EPB41L2: variants seen among roughly 807,000 people sequenced by gnomAD.
The protein encoded by EPB41L2 is erythrocyte membrane protein band 4.1 like 2.
EPB41L2 carries 43 observed loss-of-function variants against 113.0 expected under a neutral mutation model. The observed-to-expected ratio is 0.38, with a 90% CI of 0.30 to 0.49. EPB41L2 has a LOEUF of 0.49. Ranked by LOEUF, EPB41L2 falls within the 20% of genes least tolerant of loss-of-function variation. The pLI is 0.95. For missense variants in EPB41L2, 1,147 were observed against 1,223.4 expected (o/e 0.94, Z 0.93); for synonymous variants, 442 against 436.7 (o/e 1.01, Z -0.15).
chr6:130,931,595 G>C (rs532402617), intron 3 of EPB41L2, among the ~76,000 whole-genome samples: 2 of 151,896 alleles, frequency 1.3e-5, no homozygotes, highest in Admixed American at 6.6e-5. Context: ...AATCAAACTC[G>C]ATTGGGTCGG....
intron 1 of EPB41L2, among the ~76,000 whole-genome samples, chr6:130,990,955 T>C (rs1365776532): frequency 6.6e-6 from 1 of 151,868 alleles, no homozygotes; most frequent in East Asian, 1.9e-4. Flanking sequence ...GCCTCCCAAG[T>C]AGCTGGGACT....
chr6:130,982,102 A>G (rs1779503483), intron 1 of EPB41L2, among the ~76,000 whole-genome samples: 1 of 151,312 alleles, frequency 6.6e-6, no homozygotes, highest in Admixed American at 6.6e-5. Context: ...GACAGCTAAG[A>G]ATTAAAAAAA....
intron 3 of EPB41L2, among the ~76,000 whole-genome samples, chr6:130,949,407 C>T (rs1022650915): frequency 6.6e-6 from 1 of 152,202 alleles, no homozygotes; most frequent in Non-Finnish European, 1.5e-5. Context: ...TTGAGACCTA[C>T]CTGGGCAACA....
intron 1 of EPB41L2, among the ~76,000 whole-genome samples, chr6:131,028,971 A>C (rs1791471854): frequency 6.6e-6 from 1 of 152,186 alleles, no homozygotes; most frequent in South Asian, 2.1e-4. Context: ...AGGGTACACC[A>C]AAATGACTGA....
intron 1 of EPB41L2, among the ~76,000 whole-genome samples, chr6:131,042,323 A>G (rs1794614424): frequency 6.6e-6 from 1 of 152,200 alleles, no homozygotes; most frequent in Non-Finnish European, 1.5e-5. Flanking sequence ...ACTAGCATTA[A>G]CAAAAGAAAG....
At chr6:130,897,046 TCTGCCCTCCCTCCTTCAGA>T (rs1794879343) in intron 8 of EPB41L2, among the ~76,000 whole-genome samples, 1 of 152,070 alleles carries the variant, frequency 6.6e-6, no homozygotes, top group South Asian at 2.1e-4. Context: ...TGGAAACCAC[TCTGCCCTCCCTCCTTCAGA>T]CAGACCTAGA....
chr6:130,891,003 A>G (rs956610789), intron 10 of EPB41L2, among the ~76,000 whole-genome samples: 3 of 152,212 alleles, frequency 2.0e-5, no homozygotes, highest in East Asian at 3.8e-4. Flanking sequence ...CTGGGTTCAT[A>G]AAGAATGAAA....
In EPB41L2 at chr6:130,862,509, A is replaced by G. The variant is rs3777429; in HGVS notation, c.2910+1129T>C. ...GATAGTAGAATAAATCCCCTCTGGAAAACTGGAGGCTTGTTTCCACATAAG... is the reference window on the plus strand; with the variant it reads ...GATAGTAGAATAAATCCCCTCTGGAGAACTGGAGGCTTGTTTCCACATAAG... On this transcript the variant is annotated intron_variant, in intron 18 of 19. Transcript: ENST00000337057. Among the ~76,000 whole-genome samples, 133 of 152,322 alleles carry G rather than the reference A, an allele frequency of 8.7e-4. 1 individual carries two copies. The East Asian group carries it at 0.021, about 24-fold the overall frequency.
chr6:130,944,065 C>G (rs1053189769), intron 3 of EPB41L2, among the ~76,000 whole-genome samples: 6 of 151,750 alleles, frequency 4.0e-5, no homozygotes, highest in Non-Finnish European at 2.9e-5. Context: ...ATTTATATAA[C>G]AAGTCGGTCT....
At chr6:130,853,969 AT>A (rs1779502003) in intron 19 of EPB41L2, among the ~76,000 whole-genome samples, 1 of 152,198 alleles carries the variant, frequency 6.6e-6, no homozygotes, top group Non-Finnish European at 1.5e-5. Context: ...AGCAAAGGAA[AT>A]TTTTTAAGAG....
intron 4 of EPB41L2, among the ~76,000 whole-genome samples, chr6:130,923,865 A>C (rs2128546852): frequency 6.6e-6 from 1 of 152,346 alleles, no homozygotes; most frequent in East Asian, 1.9e-4. Flanking sequence ...TTGCCATTTT[A>C]ACCATTTATT....
At position 130,955,749 on chromosome 6, in the gene EPB41L2, T is replaced by G. The variant is rs1380215447; in HGVS notation, c.492+245A>C. 2.6e-5 allele frequency among the ~76,000 whole-genome samples: 4 copies of G among 152,202 alleles called. No homozygotes were observed. The South Asian group carries it at 8.3e-4, about 32-fold the overall frequency. ...AAAAGAGATGGCAGGGCTCGGAGTA[T>G]CTACCTCACCTAAACAGGTTACAGA... On this transcript the variant is annotated intron_variant, in intron 2 of 19. Transcript: ENST00000337057.
chr6:130,848,739 A>G (rs980799571), intron 19 of EPB41L2, among the ~76,000 whole-genome samples: 2 of 152,158 alleles, frequency 1.3e-5, no homozygotes, highest in Non-Finnish European at 2.9e-5. Flanking sequence ...AAAAACACAC[A>G]CATACACAAA....
At chr6:130,923,803 C>T (rs1803693835) in intron 4 of EPB41L2, among the ~76,000 whole-genome samples, 1 of 152,212 alleles carries the variant, frequency 6.6e-6, no homozygotes. Flanking sequence ...CTGGTTTGTA[C>T]ACAGGTAGTG....
intron 1 of EPB41L2, among the ~76,000 whole-genome samples, chr6:131,045,504 C>T (rs571202933): frequency 1.3e-5 from 2 of 151,704 alleles, no homozygotes; most frequent in Non-Finnish European, 2.9e-5. Flanking sequence ...ATTAGGGCTA[C>T]GAATCAAAGG....
chr6:130,996,242 A>T (rs1783069402), intron 1 of EPB41L2, among the ~76,000 whole-genome samples: 1 of 152,218 alleles, frequency 6.6e-6, no homozygotes, highest in Non-Finnish European at 1.5e-5. Context: ...ATGGAATGGC[A>T]TGACCAAGAG....
intron 1 of EPB41L2, among the ~76,000 whole-genome samples, chr6:130,965,466 A>C (rs772972436): frequency 2.0e-5 from 3 of 152,106 alleles, no homozygotes; most frequent in Non-Finnish European, 4.4e-5. Flanking sequence ...TCTCAATTTT[A>C]TTTGGTCTCT....
At chr6:131,059,051 T>C (rs1037374163) in intron 1 of EPB41L2, among the ~76,000 whole-genome samples, 1 of 150,544 alleles carries the variant, frequency 6.6e-6, no homozygotes, top group Non-Finnish European at 1.5e-5. Context: ...CAACAAAAAC[T>C]ATAAATCATT....
At chr6:130,847,174 C>T (rs760035725) in intron 19 of EPB41L2, among the ~76,000 whole-genome samples, 4 of 152,170 alleles carry the variant, frequency 2.6e-5, no homozygotes, top group Non-Finnish European at 2.9e-5. Context: ...CATTGTTTTC[C>T]CATGTGCTCT....
Sources: gnomAD v4.1 joint callset for allele counts (sites outside exome capture counted in the v4.1 genomes callset) on GRCh38, gnomAD v4.1.1 for gene constraint, MANE v1.5 for transcripts, NCBI Gene and HGNC (gene_info 2026-07-23, HGNC 2026-07-21) for gene names.